Variants in PIWIL4 observed in about 807,000 individuals in gnomAD.
PIWIL4 encodes piwi-like protein 4.
A neutral mutation model predicts 100.9 loss-of-function variants in PIWIL4; 50 were observed. That is an observed-to-expected ratio of 0.50 (90% CI 0.39 to 0.63). The LOEUF (loss-of-function observed/expected upper bound fraction) is 0.63, where lower values mean the gene tolerates loss of function less well. PIWIL4 is among the 20% of genes least tolerant of loss of function. The pLI is 0.00. For missense variants in PIWIL4, 887 were observed against 1,043.3 expected (o/e 0.85, Z 2.06); for synonymous variants, 342 against 367.5 (o/e 0.93, Z 0.79).
At chr11:94,591,247 C>T (rs1948481871) in intron 8 of PIWIL4, among the ~76,000 whole-genome samples, 1 of 152,180 alleles carries the variant, frequency 6.6e-6, no homozygotes, top group South Asian at 2.1e-4. Flanking sequence ...ACTCACTGGC[C>T]TACACCTTCC....
intron 2 of PIWIL4, among the ~76,000 whole-genome samples, chr11:94,571,372 G>T (rs1948151053): frequency 6.6e-6 from 1 of 151,998 alleles, no homozygotes; most frequent in Non-Finnish European, 1.5e-5. Context: ...TGCCATGTTG[G>T]TGTGCTGCAC....
intron 16 of PIWIL4, among the ~76,000 whole-genome samples, chr11:94,617,047 C>G (rs1341486803): frequency 6.6e-6 from 1 of 152,200 alleles, no homozygotes; most frequent in Non-Finnish European, 1.5e-5. Flanking sequence ...TGTTTCTTCA[C>G]CACTCCTGGC....
intron 7 of PIWIL4, among the ~76,000 whole-genome samples, chr11:94,588,657 C>T (rs528033291): frequency 2.6e-5 from 4 of 152,302 alleles, no homozygotes; most frequent in African/African-American, 9.6e-5. Flanking sequence ...TGCCAAGGGC[C>T]AGCCCTAGCG....
In PIWIL4 at chr11:94,606,587, T is replaced by C. The variant is rs555853602; in HGVS notation, c.1639-852T>C. The stretch of plus-strand genomic sequence containing the variant: ...GCTCACGCCTGTAATCCCAGCACTT[T>C]GGGAGGCCAGGCCGGGGTGAGTGGA... On this transcript the variant is annotated intron_variant, in intron 13 of 19. Transcript: ENST00000299001. Among the ~76,000 whole-genome samples the C allele has an allele frequency of 8.9e-4, 135 of 152,220 alleles. No individual in the cohort carries two copies. The Middle Eastern group carries it at 0.014, about 15-fold the overall frequency.
At chr11:94,579,458 C>T (rs183643531) in intron 4 of PIWIL4, among the ~76,000 whole-genome samples, 1 of 152,050 alleles carries the variant, frequency 6.6e-6, no homozygotes, top group African/African-American at 2.4e-5. Flanking sequence ...TAAAACAGAG[C>T]ATTGGATTAA....
chr11:94,606,911 T>G (rs1948727876), intron 13 of PIWIL4, among the ~76,000 whole-genome samples: 1 of 152,094 alleles, frequency 6.6e-6, no homozygotes, highest in Non-Finnish European at 1.5e-5. Flanking sequence ...AACTTCAGCT[T>G]TTTTTTAAAA....
At chr11:94,590,826 C>T (rs1948475947) in intron 8 of PIWIL4, among the ~76,000 whole-genome samples, 1 of 152,154 alleles carries the variant, frequency 6.6e-6, no homozygotes. Flanking sequence ...TACCGTCACT[C>T]TTTATGCCCT....
chr11:94,595,055 A>G (rs372119719), intron 9 of PIWIL4, among the ~76,000 whole-genome samples: 2 of 152,238 alleles, frequency 1.3e-5, no homozygotes. Context: ...TGTTGATTGC[A>G]TGTTGGAATG....
At chr11:94,615,625 AC>A (rs1948837690) in intron 15 of PIWIL4, among the ~76,000 whole-genome samples, 1 of 151,948 alleles carries the variant, frequency 6.6e-6, no homozygotes, top group African/African-American at 2.4e-5. Flanking sequence ...GTTGTTTTTT[AC>A]AAAAAAACAA....
chr11:94,584,046 A>G (rs1337958980), intron 5 of PIWIL4, among the ~76,000 whole-genome samples: 1 of 152,186 alleles, frequency 6.6e-6, no homozygotes, highest in Non-Finnish European at 1.5e-5. Context: ...GTTGTAGCTC[A>G]GCTCTTCAGT....
At chr11:94,604,730 A>G (rs1233656457) in intron 13 of PIWIL4, among the ~76,000 whole-genome samples, 1 of 152,204 alleles carries the variant, frequency 6.6e-6, no homozygotes, top group East Asian at 1.9e-4. Context: ...AGGCTATTGT[A>G]GGGCTTTTCC....
At chr11:94,584,032 C>T (rs1005874642) in intron 5 of PIWIL4, among the ~76,000 whole-genome samples, 6 of 152,196 alleles carry the variant, frequency 3.9e-5, no homozygotes, top group African/African-American at 1.4e-4. Context: ...CCCACACCTA[C>T]ATGGTTGTAG....
At chr11:94,577,166 T>C (rs1948248772) in intron 3 of PIWIL4, 112 bp from the exon 4 acceptor site, 1 of 847,870 alleles carries the variant, frequency 1.2e-6, no homozygotes, top group Non-Finnish European at 1.8e-6. Context: ...GCAAAAATCC[T>C]TGCTTTAAAG....
intron 12 of PIWIL4, among the ~76,000 whole-genome samples, chr11:94,603,148 G>C (rs1174106866): frequency 1.3e-5 from 2 of 152,142 alleles, no homozygotes; most frequent in Admixed American, 6.6e-5. Context: ...AAGTGCAGCA[G>C]AGTCAGAGTG....
chr11:94,589,453 G>A (rs116589290), intron 8 of PIWIL4, among the ~76,000 whole-genome samples: 5 of 152,134 alleles, frequency 3.3e-5, no homozygotes, highest in African/African-American at 1.2e-4. Context: ...TCCCTTTAAA[G>A]CATATCTGAT....
At chr11:94,613,750 T>C (rs528379452) in intron 15 of PIWIL4, among the ~76,000 whole-genome samples, 2 of 152,332 alleles carry the variant, frequency 1.3e-5, no homozygotes, top group South Asian at 4.1e-4. Flanking sequence ...TTAATTGTAT[T>C]CTTCAGCTCC....
intron 15 of PIWIL4, among the ~76,000 whole-genome samples, chr11:94,613,376 T>G (rs1221925631): frequency 1.3e-5 from 2 of 152,232 alleles, no homozygotes; most frequent in Non-Finnish European, 2.9e-5. Flanking sequence ...TTCTTGCTGC[T>G]TTCAACATTC....
intron 13 of PIWIL4, among the ~76,000 whole-genome samples, chr11:94,604,740 C>A (rs553306752): frequency 6.6e-6 from 1 of 152,312 alleles, no homozygotes; most frequent in South Asian, 2.1e-4. Flanking sequence ...AGGGCTTTTC[C>A]TGTCCATTCC....
At chr11:94,570,122 A>C (rs1401013410) in intron 2 of PIWIL4, among the ~76,000 whole-genome samples, 1 of 152,136 alleles carries the variant, frequency 6.6e-6, no homozygotes, top group Non-Finnish European at 1.5e-5. Flanking sequence ...CTCTCCTCAC[A>C]GCAAAGCCAG....
Sources: gnomAD v4.1 joint callset for allele counts (sites outside exome capture counted in the v4.1 genomes callset) on GRCh38, gnomAD v4.1.1 for gene constraint, MANE v1.5 for transcripts, NCBI Gene and HGNC (gene_info 2026-07-23, HGNC 2026-07-21) for gene names.